LGI3: variants seen among roughly 807,000 people sequenced by gnomAD.
LGI3 encodes leucine rich repeat LGI family member 3.
LGI3 carries 47 observed loss-of-function variants against 55.4 expected under a neutral mutation model. The ratio of observed to expected loss-of-function variants is 0.85; its 90% CI spans 0.67 to 1.08. The LOEUF is 1.08. Ranked by LOEUF, LGI3 falls within the 50% of genes least tolerant of loss-of-function variation. The pLI is 0.00. For synonymous variants in LGI3, 326 were observed against 315.0 expected (o/e 1.04, Z -0.37); for missense variants, 664 against 726.3 (o/e 0.91, Z 0.99).
intron 6 of LGI3, 86 bp from the exon 7 acceptor site, chr8:22,151,739 T>C (rs1563209943): frequency 1.9e-6 from 3 of 1,564,652 alleles, no homozygotes; most frequent in Non-Finnish European, 2.6e-6. Flanking sequence ...CTGCTGCCGC[T>C]GGGTGTTGTG....
chr8:22,155,497 T>A, intron 1 of LGI3, 34 bp from the exon 2 acceptor site: 1 of 1,584,264 alleles, frequency 6.3e-7, no homozygotes. Flanking sequence ...CTGTGGGGTC[T>A]GCAAGGGCTG....
intron 3 of LGI3, 23 bp downstream of exon 3, chr8:22,154,537 T>C (rs754404984): frequency 6.2e-7 from 1 of 1,609,764 alleles, no homozygotes; most frequent in Admixed American, 1.7e-5. Flanking sequence ...TGCTTTCCCA[T>C]TGCCCCTTTC....
intron 7 of LGI3, among the ~76,000 whole-genome samples, chr8:22,150,318 T>C (rs984881724): frequency 4.6e-5 from 7 of 151,958 alleles, no homozygotes; most frequent in Non-Finnish European, 1.0e-4. Context: ...AATGTAAGTT[T>C]TCTATTTCAT....
Position 22,147,937 on chromosome 8 carries a change from T to G in LGI3, c.*223A>C. The G allele has an allele frequency of 1.9e-6, 1 of 521,902 alleles. No homozygotes were observed. Among genetic ancestry groups the G allele is most frequent in the Non-Finnish European group, 3.4e-6 (1 of 295,540 alleles). The allele number at this position is 521,902 out of a possible 1,614,324, so 32.3% of individuals were successfully genotyped here. A position where few individuals can be genotyped will look rare whatever the true frequency, so the allele number is the denominator to read the frequency against. On this transcript the variant is annotated 3_prime_UTR_variant, in exon 8 of 8. Transcript: ENST00000306317. The stretch of plus-strand genomic sequence containing the variant: ...CAGTTGGGGTCACGGGAACTGGGCG[T>G]TAGGTGTCCCAGGGGTGCCTGGTGT...
Position 22,155,121 on chromosome 8 carries a change from C to T in LGI3, c.278+271G>A. Reference sequence around the variant, plus strand: ...CTAGCCCAGGCTATCGCACCCAATTCTCTGGGGTTTCCAGAGCAGCCAAGC... The same window carrying T: ...CTAGCCCAGGCTATCGCACCCAATTTTCTGGGGTTTCCAGAGCAGCCAAGC... On this transcript the variant is annotated intron_variant, in intron 2 of 7. Transcript: ENST00000306317. The T allele has an allele frequency of 7.7e-6, 4 of 521,930 alleles. No homozygotes were observed. The South Asian group carries it at 8.8e-5, about 11-fold the overall frequency. The allele number at this position is 521,930 out of a possible 1,614,324, so 32.3% of individuals were successfully genotyped here. A position where few individuals can be genotyped will look rare whatever the true frequency, so the allele number is the denominator to read the frequency against.
chr8:22,148,384 C>A lies in LGI3; in HGVS notation c.1423G>T (p.Val475Leu). The change falls in exon 8 of 8, where the codon GTG becomes TTG. Residue 475 changes from valine to leucine, a missense_variant. Coordinates refer to ENST00000306317, the MANE Select transcript of LGI3 (RefSeq NM_139278.4). This position sits in a 1 kb window ranked among gnomAD's most constrained non-coding sequence, Gnocchi z 7.0. ...AGTGCCAGGTAGCGGCGGCCACCCA[C>A]AAGGAAGGGCTGCAGGGCCAGCGAG... The part of the protein sequence containing the change: ...RGSLALQPFL[V>L]GGRRYLALGS... 3 of 1,613,404 alleles carry A rather than the reference C, an allele frequency of 1.9e-6. No homozygotes were observed. The highest frequency in any genetic ancestry group is 2.5e-6 in the Non-Finnish European group (3 of 1,179,898).
Position 22,148,094 on chromosome 8 carries a change from T to G in LGI3, c.*66A>C. Reference sequence around the variant, plus strand: ...CTTGTCTTCACACAGGCATACGTGGTGCTCACAGAGGCCCCCACCCATCCT... The same window carrying G: ...CTTGTCTTCACACAGGCATACGTGGGGCTCACAGAGGCCCCCACCCATCCT... On this transcript the variant is annotated 3_prime_UTR_variant, in exon 8 of 8. Coordinates refer to ENST00000306317, the MANE Select transcript of LGI3 (RefSeq NM_139278.4). This position sits in a 1 kb window ranked among gnomAD's most constrained non-coding sequence, Gnocchi z 7.0. The G allele has an allele frequency of 7.5e-7, 1 of 1,340,468 alleles. No individual in the cohort carries two copies. Among genetic ancestry groups the G allele is most frequent in the Non-Finnish European group, 1.0e-6 (1 of 979,086 alleles). The allele number at this position is 1,340,468 out of a possible 1,614,324, so 83.0% of individuals were successfully genotyped here.
Position 22,154,054 on chromosome 8 carries a change from G to A in LGI3, c.423-15C>T, listed in dbSNP as rs140104581. 131 of 1,613,958 alleles carry A rather than the reference G, an allele frequency of 8.1e-5. 2 individuals are homozygous for A. In the African/African-American group the frequency reaches 1.2e-3, roughly 14 times the overall value. Reference sequence around the variant, plus strand: ...TGGCCAGCGAGCTGCAAAAGAGACCGCCAGGTCATCTGAAGATCATGAGCA... The same window carrying A: ...TGGCCAGCGAGCTGCAAAAGAGACCACCAGGTCATCTGAAGATCATGAGCA... On this transcript the variant is annotated splice_polypyrimidine_tract_variant and intron_variant, in intron 4 of 7. Coordinates refer to ENST00000306317, the MANE Select transcript of LGI3 (RefSeq NM_139278.4).
chr8:22,153,843 C>T (rs1827448510), intron 5 of LGI3, 125 bp downstream of exon 5: 7 of 929,584 alleles, frequency 7.5e-6, no homozygotes, highest in South Asian at 4.3e-5. Flanking sequence ...TCCTCAGGGT[C>T]CCCCCACCCA....
chr8:22,151,454 G>GC, intron 7 of LGI3, 35 bp downstream of exon 7: 2 of 1,607,150 alleles, frequency 1.2e-6, no homozygotes, highest in Non-Finnish European at 1.7e-6. Flanking sequence ...CCTCCCCCTA[G>GC]CAAGGGCCAG....
chr8:22,151,352 A>C, intron 7 of LGI3, 137 bp downstream of exon 7: 1 of 810,872 alleles, frequency 1.2e-6, no homozygotes, highest in African/African-American at 1.7e-5. Context: ...CTCTTCCCAA[A>C]GACTGGAAAG....
rs1274301882 is a variant in LGI3 at position 22,148,623 on chromosome 8, C to T, written c.1184G>A (p.Ser395Asn). ...CTGATAGATGACGGGTGCCTGGGAG[C>T]TGCTGGACACAATCAGCCGTGGCTT... The part of the protein sequence containing the change: ...EGKPRLIVSS[S>N]SQAPVIYQWS... The change falls in exon 8 of 8, where the codon AGC becomes AAC. Residue 395 changes from serine to asparagine, a missense_variant. Transcript: ENST00000306317. The surrounding 1 kb of genome is among the most constrained non-coding windows in gnomAD (Gnocchi z 7.0). The T allele has an allele frequency of 6.2e-7, 1 of 1,613,922 alleles. No homozygotes were observed.
At position 22,152,655 on chromosome 8, in the gene LGI3, C is replaced by T. The variant is rs575487982; in HGVS notation, c.495-655G>A. On this transcript the variant is annotated intron_variant, in intron 5 of 7. Transcript: ENST00000306317. Reference sequence around the variant, plus strand: ...ACTTGGGAGGCTTAGGCAGGAGAATCGCTTGAACCCGGGAGGCAGAGGTTG... The same window carrying T: ...ACTTGGGAGGCTTAGGCAGGAGAATTGCTTGAACCCGGGAGGCAGAGGTTG... 1.3e-3 allele frequency among the ~76,000 whole-genome samples: 192 copies of T among 150,670 alleles called. 2 individuals carry two copies. Among genetic ancestry groups the T allele is most frequent in the African/African-American group, 4.3e-3 (177 of 41,014 alleles).
intron 1 of LGI3, 151 bp downstream of exon 1, chr8:22,156,186 G>A (rs918814349): frequency 3.9e-6 from 3 of 775,906 alleles, no homozygotes; most frequent in Non-Finnish European, 6.2e-6. Flanking sequence ...CTGCCCGACT[G>A]GTGCCTGGAA....
At chr8:22,153,898 C>A in intron 5 of LGI3, 70 bp downstream of exon 5, 1 of 1,510,948 alleles carries the variant, frequency 6.6e-7, no homozygotes, top group Non-Finnish European at 9.2e-7. Context: ...CCAATTCTGA[C>A]TCCCACACCA....
rs768225140 is a variant in LGI3 at position 22,154,213 on chromosome 8, G to C, written c.351C>G (p.Leu117=). 6.2e-7 allele frequency: 1 copy of C among 1,613,480 alleles called. No homozygotes were observed. Among genetic ancestry groups the C allele is most frequent in the South Asian group, 1.1e-5 (1 of 91,070 alleles). Residue 117 remains leucine (L), a splice_region_variant and synonymous_variant, in exon 4 of 8, where the codon CTC becomes CTG. Transcript: ENST00000306317. ...AFTGLSHLQY[L]FIENNDIWAL... ...CCCAGATGTCATTGTTCTCAATGAA[G>C]CTGGGGAAAGCGGGAACTTGCCTCA...
chr8:22,150,939 C>T (rs1827369775), intron 7 of LGI3, among the ~76,000 whole-genome samples: 1 of 152,020 alleles, frequency 6.6e-6, no homozygotes, highest in South Asian at 2.1e-4. Context: ...ATGATTTGCA[C>T]ACATATACAC....
rs575298877 is a variant in LGI3, at chr8:22,151,484, G to C, written c.829+5C>G. 6.8e-6 allele frequency: 11 copies of C among 1,613,342 alleles called. No homozygotes were observed. Among genetic ancestry groups the C allele is most frequent in the Non-Finnish European group, 9.3e-6 (11 of 1,179,728 alleles). The stretch of plus-strand genomic sequence containing the variant: ...GGCCAGCAGAACCAGATTGGGCGCA[G>C]GTACCTGGGATTCTATCATAGTCTC... On this transcript the variant is annotated splice_donor_5th_base_variant and intron_variant, in intron 7 of 7. Transcript: ENST00000306317.
At chr8:22,153,444 T>A (rs1327149715) in intron 5 of LGI3, among the ~76,000 whole-genome samples, 1 of 149,686 alleles carries the variant, frequency 6.7e-6, no homozygotes, top group African/African-American at 2.4e-5. Flanking sequence ...GGCTCACACC[T>A]GTACTCCCAG....
Sources: gnomAD v4.1 joint callset for allele counts (sites outside exome capture counted in the v4.1 genomes callset) on GRCh38, gnomAD v4.1.1 for gene constraint, Gnocchi (gnomAD v3.1) non-coding constraint, MANE v1.5 for transcripts, NCBI Gene and HGNC (gene_info 2026-07-23, HGNC 2026-07-21) for gene names.